RBFOX1: variants seen among roughly 807,000 people sequenced by gnomAD.
RBFOX1 encodes the protein RNA binding fox-1 homolog 1.
RBFOX1 carries 8 observed loss-of-function variants against 57.7 expected under a neutral mutation model. That is an observed-to-expected ratio of 0.14 (90% CI 0.08 to 0.25). The LOEUF (loss-of-function observed/expected upper bound fraction) is 0.25, where lower values mean the gene tolerates loss of function less well. RBFOX1 is among the 10% of genes least tolerant of loss of function. The pLI is 1.00. For missense variants in RBFOX1, 611 were observed against 548.5 expected, an observed-to-expected ratio of 1.11 and a Z score of -1.14; for synonymous variants, 326 against 222.4, an observed-to-expected ratio of 1.47 and a Z score of -4.15.
chr16:6,782,872 C>G (rs965347497), intron 3 of RBFOX1, among the ~76,000 whole-genome samples: 1 of 152,100 alleles, frequency 6.6e-6, no homozygotes, highest in Non-Finnish European at 1.5e-5. Context: ...CTGTTTCTCT[C>G]TTTATCTCTA....
At chr16:6,008,797 C>T (rs144023133) in intron 4 of RBFOX1, among the ~76,000 whole-genome samples, 55 of 152,302 alleles carry the variant, frequency 3.6e-4, no homozygotes, top group African/African-American at 9.4e-4. Context: ...CTGTGTTCTC[C>T]GTGAACTGCT....
chr16:5,611,808 A>ACCCC (rs2047821536), intron 3 of RBFOX1, among the ~76,000 whole-genome samples: 1 of 23,272 alleles, frequency 4.3e-5, no homozygotes, highest in Non-Finnish European at 8.7e-5. Context: ...CCACCCACCC[A>ACCCC]CCCACCCACC....
chr16:7,694,939 A>G (rs1456340472), intron 14 of RBFOX1, among the ~76,000 whole-genome samples: 2 of 152,176 alleles, frequency 1.3e-5, no homozygotes, highest in African/African-American at 2.4e-5. Context: ...TTATATTTGG[A>G]CATCTTAGAT....
intron 1 of RBFOX1, among the ~76,000 whole-genome samples, chr16:6,273,182 C>T (rs1005376719): frequency 6.6e-6 from 1 of 150,762 alleles, no homozygotes; most frequent in Admixed American, 6.6e-5. Context: ...ATGGCTTGAA[C>T]CTGGAGGCAG....
chr16:7,524,934 A>G lies in RBFOX1; in HGVS notation c.270+6545A>G, dbSNP rs530280432. On this transcript the variant is annotated intron_variant, in intron 5 of 15. Transcript: ENST00000550418. The stretch of plus-strand genomic sequence containing the variant: ...TATTATTATTATCATCATCAAAGCA[A>G]TTCAGGCTTGGGGTTTAAAAAGCCA... Among the ~76,000 whole-genome samples, 37 of 152,338 alleles carry G rather than the reference A, an allele frequency of 2.4e-4. No individual in the cohort carries two copies. The South Asian group carries it at 7.2e-3, about 30-fold the overall frequency.
At chr16:6,679,234 C>T (rs1329009982) in intron 3 of RBFOX1, among the ~76,000 whole-genome samples, 2 of 151,870 alleles carry the variant, frequency 1.3e-5, no homozygotes, top group African/African-American at 2.4e-5. Flanking sequence ...GACATGAAAT[C>T]GCGTTTTAAA....
chr16:6,909,699 A>C (rs1023781574), intron 3 of RBFOX1, among the ~76,000 whole-genome samples: 6 of 152,222 alleles, frequency 3.9e-5, no homozygotes, highest in Non-Finnish European at 8.8e-5. Context: ...CACGTGGTAC[A>C]TGCATGCTAA....
intron 3 of RBFOX1, among the ~76,000 whole-genome samples, chr16:5,758,308 A>T (rs2053471030): frequency 6.6e-6 from 1 of 152,118 alleles, no homozygotes; most frequent in Non-Finnish European, 1.5e-5. Context: ...TGCCATAGTT[A>T]CCTCTCGGCT....
chr16:5,762,016 G>A (rs2053612620), intron 3 of RBFOX1, among the ~76,000 whole-genome samples: 1 of 152,112 alleles, frequency 6.6e-6, no homozygotes, highest in Non-Finnish European at 1.5e-5. Flanking sequence ...TTGGGCAGGT[G>A]AACTTCTCCG....
intron 2 of RBFOX1, among the ~76,000 whole-genome samples, chr16:6,501,651 C>G (rs772889261): frequency 3.3e-5 from 5 of 152,106 alleles, no homozygotes; most frequent in Non-Finnish European, 7.4e-5. Flanking sequence ...TCCAAACATT[C>G]TTATAGACAA....
At chr16:7,672,671 C>T (rs941858802) in intron 13 of RBFOX1, among the ~76,000 whole-genome samples, 1 of 151,650 alleles carries the variant, frequency 6.6e-6, no homozygotes, top group African/African-American at 2.4e-5. Context: ...CAAGACGGGG[C>T]CAGCCAGGCC....
At chr16:6,726,232 C>G (rs1260514555) in intron 3 of RBFOX1, among the ~76,000 whole-genome samples, 1 of 152,084 alleles carries the variant, frequency 6.6e-6, no homozygotes, top group Non-Finnish European at 1.5e-5. Flanking sequence ...ATTCCTACCC[C>G]CTACCCCAGC....
At chr16:7,397,393 A>C (rs908754684) in intron 4 of RBFOX1, among the ~76,000 whole-genome samples, 1 of 152,202 alleles carries the variant, frequency 6.6e-6, no homozygotes, top group African/African-American at 2.4e-5. Flanking sequence ...ACGTTGGCTT[A>C]TAGGAGCACC....
At chr16:7,077,896 T>C (rs1358371613) in intron 4 of RBFOX1, among the ~76,000 whole-genome samples, 2 of 152,172 alleles carry the variant, frequency 1.3e-5, no homozygotes, top group Non-Finnish European at 2.9e-5. Flanking sequence ...CAACTTGAGA[T>C]TGTGCTTTTA....
intron 14 of RBFOX1, among the ~76,000 whole-genome samples, chr16:7,700,447 G>A (rs1182884108): frequency 6.6e-6 from 1 of 152,104 alleles, no homozygotes; most frequent in Non-Finnish European, 1.5e-5. Flanking sequence ...TCTGACTGAG[G>A]GATCCCCAGC....
At chr16:6,697,444 C>T (rs2061220496) in intron 3 of RBFOX1, among the ~76,000 whole-genome samples, 2 of 152,086 alleles carry the variant, frequency 1.3e-5, no homozygotes, top group East Asian at 1.9e-4. Flanking sequence ...GGAAACAGCC[C>T]ACGGTGAGAC....
chr16:5,454,722 A>G (rs1450585227), intron 1 of RBFOX1, among the ~76,000 whole-genome samples: 2 of 56,050 alleles, frequency 3.6e-5, no homozygotes, highest in Admixed American at 3.1e-4. Flanking sequence ...AGTTCCTTAA[A>G]ATCTCTCTCT....
intron 3 of RBFOX1, among the ~76,000 whole-genome samples, chr16:5,747,853 G>T (rs183455190): frequency 4.4e-4 from 67 of 152,208 alleles, no homozygotes; most frequent in African/African-American, 1.5e-3. Flanking sequence ...TTTTTGAAGG[G>T]TTTTTTGTGT....
intron 1 of RBFOX1, among the ~76,000 whole-genome samples, chr16:5,464,193 A>G (rs566311453): frequency 6.6e-6 from 1 of 152,280 alleles, no homozygotes; most frequent in South Asian, 2.1e-4. Context: ...TGTCTGTGGG[A>G]CACCCATGTG....
Sources: allele counts gnomAD v4.1 joint callset (sites outside exome capture counted in the v4.1 genomes callset), GRCh38; gene constraint gnomAD v4.1.1; transcripts MANE v1.5; gene names NCBI Gene and HGNC (gene_info 2026-07-23, HGNC 2026-07-21).